The following IL1RAPL2 variants were observed in gnomAD, a reference collection of about 807,000 sequenced individuals.
IL1RAPL2 encodes interleukin 1 receptor accessory protein like 2.
Under a neutral mutation model 44.1 loss-of-function variants are expected in IL1RAPL2, and 3 were observed. That is an observed-to-expected ratio of 0.07 (90% CI 0.03 to 0.18). IL1RAPL2 has a LOEUF of 0.18. IL1RAPL2 is among the 10% of genes least tolerant of loss of function. The probability of loss-of-function intolerance (pLI) is 1.00; values close to 1 mark genes in which losing one functional copy is unlikely to be tolerated. For missense variants in IL1RAPL2, 391 were observed against 496.4 expected (o/e 0.79, Z 2.02); for synonymous variants, 181 against 178.8 (o/e 1.01, Z -0.10).
intron 2 of IL1RAPL2, among the ~76,000 whole-genome samples, chrX:104,844,362 G>T (rs1336679672): frequency 9.0e-6 from 1 of 111,284 alleles, no homozygotes; most frequent in African/African-American, 3.3e-5. Context: ...GGTAATAGGT[G>T]CTGCATGGAA....
At position 105,558,514 on chromosome X, in the gene IL1RAPL2, CTTT is replaced by C. The variant is rs758491865; in HGVS notation, c.772+74128_772+74130del. Among the ~76,000 whole-genome samples the C allele has an allele frequency of 7.2e-5, 8 of 111,618 alleles. No individual in the cohort carries two copies. The East Asian group carries it at 1.4e-3, about 20-fold the overall frequency. ...CTCTCATCTTTTAGCCCCTTTTGTTCTTTAAGGCAAGGACCAACTTGGTTAAAT... is the reference window on the plus strand; with the variant it reads ...CTCTCATCTTTTAGCCCCTTTTGTTCAAGGCAAGGACCAACTTGGTTAAAT... On this transcript the variant is annotated intron_variant, in intron 6 of 10. Transcript: ENST00000372582.
At chrX:105,312,530 G>T (rs768121423) in intron 5 of IL1RAPL2, among the ~76,000 whole-genome samples, 7 of 111,793 alleles carry the variant, frequency 6.3e-5, no homozygotes, top group African/African-American at 2.3e-4. Flanking sequence ...TTTAGATACA[G>T]AAATAGTTGG....
intron 3 of IL1RAPL2, among the ~76,000 whole-genome samples, chrX:105,214,874 C>T (rs895324796): frequency 6.3e-5 from 7 of 111,608 alleles, no homozygotes; most frequent in African/African-American, 2.3e-4. Context: ...GGGTAAATAA[C>T]GAAATTATGG....
intron 2 of IL1RAPL2, among the ~76,000 whole-genome samples, chrX:104,978,001 G>A (rs556201711): frequency 1.3e-3 from 145 of 111,374 alleles, no homozygotes; most frequent in African/African-American, 4.6e-3. Context: ...GTCTTATGGA[G>A]AGATCCTTTC....
chrX:104,715,472 G>C (rs1328693419), intron 2 of IL1RAPL2, among the ~76,000 whole-genome samples: 1 of 94,741 alleles, frequency 1.1e-5, no homozygotes, highest in Non-Finnish European at 2.1e-5. Context: ...AACGGTTTTT[G>C]TGTCTCTATC....
chrX:105,641,678 C>T (rs1463405033), intron 6 of IL1RAPL2, among the ~76,000 whole-genome samples: 2 of 111,782 alleles, frequency 1.8e-5, no homozygotes, highest in Non-Finnish European at 3.8e-5. Context: ...AGGAAAGACT[C>T]CAGAAGGACT....
intron 2 of IL1RAPL2, among the ~76,000 whole-genome samples, chrX:105,094,226 A>G (rs2032578158): frequency 8.9e-6 from 1 of 111,868 alleles, no homozygotes; most frequent in Non-Finnish European, 1.9e-5. Context: ...CCTTATCTGT[A>G]AAATGGGTAA....
At chrX:105,718,196 G>C (rs1347884858) in intron 7 of IL1RAPL2, among the ~76,000 whole-genome samples, 4 of 111,758 alleles carry the variant, frequency 3.6e-5, no homozygotes. Flanking sequence ...GTATGTTCCT[G>C]ATTCTGATAG....
intron 6 of IL1RAPL2, among the ~76,000 whole-genome samples, chrX:105,623,977 G>T (rs1278705702): frequency 9.0e-6 from 1 of 111,491 alleles, no homozygotes; most frequent in Non-Finnish European, 1.9e-5. Flanking sequence ...TGGGCCAGTG[G>T]GTGGCTAAGG....
chrX:105,335,874 C>T (rs1295790848), intron 5 of IL1RAPL2, among the ~76,000 whole-genome samples: 1 of 111,627 alleles, frequency 9.0e-6, no homozygotes, highest in Non-Finnish European at 1.9e-5. Context: ...GGTCTCACTA[C>T]CCAACAAAAA....
At chrX:105,074,895 A>T (rs7885483) in intron 2 of IL1RAPL2, among the ~76,000 whole-genome samples, 8,750 of 109,990 alleles carry the variant, frequency 0.08, 964 homozygotes, top group African/African-American at 0.28. Context: ...TGATTTTGTA[A>T]CCTGAGACTT....
Position 104,919,779 on chromosome X carries a change from G to A in IL1RAPL2, c.82+260784G>A, listed in dbSNP as rs764406606. On this transcript the variant is annotated intron_variant, in intron 2 of 10. Transcript: ENST00000372582. ...TGGTCTCAAACTCCTGACCTCAAGC[G>A]ATCCACCTTCCTCGACCTCCCAATG... Among the ~76,000 whole-genome samples the A allele has an allele frequency of 9.9e-4, 106 of 106,533 alleles. 2 individuals are homozygous for A. The highest frequency in any genetic ancestry group is 7.0e-3 in the Admixed American group (69 of 9,846). The allele number at this position is 106,533 out of a possible 115,157, so 92.5% of individuals were successfully genotyped here. A position where few individuals can be genotyped will look rare whatever the true frequency, so the allele number is the denominator to read the frequency against.
intron 2 of IL1RAPL2, among the ~76,000 whole-genome samples, chrX:104,672,297 C>A: frequency 9.1e-6 from 1 of 110,389 alleles, no homozygotes. Context: ...CTTCCTGTGT[C>A]CATGTGATCT....
chrX:104,684,235 A>G (rs923701828), intron 2 of IL1RAPL2, among the ~76,000 whole-genome samples: 7 of 111,096 alleles, frequency 6.3e-5, no homozygotes, highest in Non-Finnish European at 1.3e-4. Context: ...GAATGACCTG[A>G]TTTTTTTCTT....
chrX:105,686,194 C>A (rs1308737995), intron 6 of IL1RAPL2, among the ~76,000 whole-genome samples: 1 of 109,863 alleles, frequency 9.1e-6, no homozygotes, highest in Non-Finnish European at 1.9e-5. Context: ...ATCAAATTCA[C>A]ACATAACAAT....
At chrX:104,933,806 G>A (rs1214529110) in intron 2 of IL1RAPL2, among the ~76,000 whole-genome samples, 3 of 111,193 alleles carry the variant, frequency 2.7e-5, no homozygotes, top group East Asian at 2.8e-4. Context: ...TTGCATACTC[G>A]AGAAGGGGAT....
intron 5 of IL1RAPL2, among the ~76,000 whole-genome samples, chrX:105,279,078 T>C (rs914341422): frequency 7.2e-5 from 8 of 111,613 alleles, no homozygotes; most frequent in Non-Finnish European, 9.4e-5. Context: ...ATGAGAGATC[T>C]TCTTTGTGTA....
At chrX:105,081,139 AT>A (rs1209002384) in intron 2 of IL1RAPL2, among the ~76,000 whole-genome samples, 2 of 111,092 alleles carry the variant, frequency 1.8e-5, no homozygotes, top group African/African-American at 3.3e-5. Flanking sequence ...GGGTTTTCTA[AT>A]TACACAATCA....
At chrX:105,076,179 T>G (rs1040769437) in intron 2 of IL1RAPL2, among the ~76,000 whole-genome samples, 1 of 111,640 alleles carries the variant, frequency 9.0e-6, no homozygotes, top group Non-Finnish European at 1.9e-5. Context: ...TGTGGGCATT[T>G]AGTGCTATAA....
Sources: allele counts gnomAD v4.1 joint callset (sites outside exome capture counted in the v4.1 genomes callset), GRCh38; gene constraint gnomAD v4.1.1; transcripts MANE v1.5; gene names NCBI Gene and HGNC (gene_info 2026-07-23, HGNC 2026-07-21).